The following PLCB1 variants were observed in gnomAD, a reference collection of about 807,000 sequenced individuals.
The protein encoded by PLCB1 is 1-phosphatidylinositol 4,5-bisphosphate phosphodiesterase beta-1.
PLCB1 carries 46 observed loss-of-function variants against 161.8 expected under a neutral mutation model. The ratio of observed to expected loss-of-function variants is 0.28; its 90% CI spans 0.22 to 0.36. The LOEUF (loss-of-function observed/expected upper bound fraction) is 0.36. PLCB1 is among the 10% of genes least tolerant of loss of function. The probability of loss-of-function intolerance (pLI) is 1.00; values close to 1 mark genes in which losing one functional copy is unlikely to be tolerated. For synonymous variants in PLCB1, 517 were observed against 503.7 expected (o/e 1.03, Z -0.35); for missense variants, 1,016 against 1,472.5 (o/e 0.69, Z 5.07).
intron 3 of PLCB1, among the ~76,000 whole-genome samples, chr20:8,568,802 A>G (rs1986417978): frequency 6.6e-6 from 1 of 152,194 alleles, no homozygotes; most frequent in Non-Finnish European, 1.5e-5. Flanking sequence ...ACTGAGAGAC[A>G]CTTTTGGGTA....
intron 3 of PLCB1, among the ~76,000 whole-genome samples, chr20:8,610,594 C>T (rs1987879693): frequency 6.6e-6 from 1 of 152,114 alleles, no homozygotes; most frequent in South Asian, 2.1e-4. Flanking sequence ...TACCTTCCCA[C>T]CAGCAGTTTA....
At chr20:8,554,337 C>T (rs1958213073) in intron 3 of PLCB1, among the ~76,000 whole-genome samples, 1 of 152,024 alleles carries the variant, frequency 6.6e-6, no homozygotes, top group Admixed American at 6.6e-5. Context: ...ATAAAAACCC[C>T]AAACTGGAAA....
intron 2 of PLCB1, among the ~76,000 whole-genome samples, chr20:8,156,984 T>A (rs553567922): frequency 2.6e-5 from 4 of 152,332 alleles, no homozygotes; most frequent in Admixed American, 2.6e-4. Flanking sequence ...ATCTTTTTAT[T>A]CCTTTTTTCT....
chr20:8,729,915 G>A lies in PLCB1; in HGVS notation c.1888+741G>A, dbSNP rs189461423. 8.6e-5 allele frequency: 13 copies of A among 151,890 alleles called. No homozygotes were observed. In the East Asian group the frequency reaches 1.9e-3, roughly 23 times the overall value. 9.4% of individuals were successfully genotyped at this position (151,890 alleles called of 1,614,324 possible). ...TTTGCGATCTTGGTTAAGTATTATCGTTAAATAATAATAATAATTAAACCA... is the reference window on the plus strand; with the variant it reads ...TTTGCGATCTTGGTTAAGTATTATCATTAAATAATAATAATAATTAAACCA... On this transcript the variant is annotated intron_variant, in intron 18 of 31. Coordinates refer to ENST00000338037, the MANE Select transcript of PLCB1 (RefSeq NM_015192.4).
chr20:8,574,408 C>CA (rs1986612056), intron 3 of PLCB1, among the ~76,000 whole-genome samples: 3 of 151,690 alleles, frequency 2.0e-5, no homozygotes, highest in Admixed American at 2.0e-4. Flanking sequence ...CAAAACAAAA[C>CA]AAAAAAATGC....
chr20:8,466,105 A>C (rs1189044287), intron 3 of PLCB1, among the ~76,000 whole-genome samples: 1 of 149,856 alleles, frequency 6.7e-6, no homozygotes, highest in South Asian at 2.1e-4. Context: ...CTGGATTAAG[A>C]AAATGTGGCA....
chr20:8,877,072 G>A (rs1987807559), intron 31 of PLCB1, among the ~76,000 whole-genome samples: 1 of 152,124 alleles, frequency 6.6e-6, no homozygotes, highest in South Asian at 2.1e-4. Context: ...CCATTTGCAC[G>A]ACCAATCTAC....
At chr20:8,324,078 C>A (rs1170498573) in intron 2 of PLCB1, among the ~76,000 whole-genome samples, 1 of 152,068 alleles carries the variant, frequency 6.6e-6, no homozygotes, top group Non-Finnish European at 1.5e-5. Flanking sequence ...CTGATTTTTA[C>A]AGAGTGACTG....
At chr20:8,844,643 G>C (rs1986624452) in intron 31 of PLCB1, among the ~76,000 whole-genome samples, 1 of 152,166 alleles carries the variant, frequency 6.6e-6, no homozygotes, top group Non-Finnish European at 1.5e-5. Context: ...CTCAAGCCCT[G>C]TAAGTCACTA....
At chr20:8,220,573 G>A (rs546189104) in intron 2 of PLCB1, among the ~76,000 whole-genome samples, 4 of 152,326 alleles carry the variant, frequency 2.6e-5, no homozygotes, top group East Asian at 1.9e-4. Flanking sequence ...GGCGGAGGCC[G>A]AGATTGGGGT....
At chr20:8,631,630 A>G (rs561853305) in intron 4 of PLCB1, among the ~76,000 whole-genome samples, 2 of 152,320 alleles carry the variant, frequency 1.3e-5, no homozygotes, top group South Asian at 4.1e-4. Context: ...TGGGTGCCTA[A>G]GAAATGTGAC....
intron 19 of PLCB1, among the ~76,000 whole-genome samples, chr20:8,736,313 A>G (rs557691568): frequency 6.6e-6 from 1 of 152,282 alleles, no homozygotes; most frequent in African/African-American, 2.4e-5. Context: ...AATATTAAAA[A>G]TCTCTTTTAA....
At chr20:8,374,852 C>G (rs751937659) in intron 3 of PLCB1, among the ~76,000 whole-genome samples, 3 of 152,158 alleles carry the variant, frequency 2.0e-5, no homozygotes, top group Non-Finnish European at 4.4e-5. Context: ...TCAAAATACC[C>G]AGGCACCCCA....
intron 2 of PLCB1, among the ~76,000 whole-genome samples, chr20:8,366,865 C>T (rs1600346934): frequency 6.6e-6 from 1 of 152,176 alleles, no homozygotes; most frequent in East Asian, 1.9e-4. Flanking sequence ...ATTCCTTTCT[C>T]ATTGTTGGAT....
intron 3 of PLCB1, among the ~76,000 whole-genome samples, chr20:8,519,817 G>A (rs1395793386): frequency 6.6e-6 from 1 of 152,072 alleles, no homozygotes; most frequent in Non-Finnish European, 1.5e-5. Context: ...GCAATATGAG[G>A]ACATCATGTA....
At chr20:8,681,931 A>C (rs1465075972) in intron 9 of PLCB1, among the ~76,000 whole-genome samples, 3 of 152,154 alleles carry the variant, frequency 2.0e-5, no homozygotes, top group Admixed American at 6.6e-5. Context: ...CACTGTGCAC[A>C]AAGCATCTAG....
At chr20:8,700,966 G>T (rs1990689909) in intron 11 of PLCB1, among the ~76,000 whole-genome samples, 1 of 152,192 alleles carries the variant, frequency 6.6e-6, no homozygotes, top group Non-Finnish European at 1.5e-5. Flanking sequence ...TCAGGACTGA[G>T]ACTAGGAAAG....
At chr20:8,578,278 A>G (rs1170217588) in intron 3 of PLCB1, among the ~76,000 whole-genome samples, 1 of 152,242 alleles carries the variant, frequency 6.6e-6, no homozygotes, top group Non-Finnish European at 1.5e-5. Flanking sequence ...CCACTTCTGT[A>G]TAATACATTC....
At chr20:8,582,988 C>CAAAAA (rs57511588) in intron 3 of PLCB1, among the ~76,000 whole-genome samples, 1 of 125,194 alleles carries the variant, frequency 8.0e-6, no homozygotes, top group African/African-American at 2.8e-5. Flanking sequence ...GACTCCATCT[C>CAAAAA]AAAAAAAAAA....
Sources: allele counts gnomAD v4.1 joint callset (sites outside exome capture counted in the v4.1 genomes callset), GRCh38; gene constraint gnomAD v4.1.1; transcripts MANE v1.5; gene names NCBI Gene and HGNC (gene_info 2026-07-23, HGNC 2026-07-21).